The following TTLL11 variants were observed in gnomAD, a reference collection of about 807,000 sequenced individuals.
The protein encoded by TTLL11 is tubulin polyglutamylase TTLL11.
In TTLL11, 42 loss-of-function variants were observed where a neutral mutation model predicts 51.7. The ratio of observed to expected loss-of-function variants is 0.81; its 90% CI spans 0.64 to 1.05. TTLL11 has a LOEUF of 1.05. Among genes scored for constraint, TTLL11 ranks in the 50% least tolerant of loss-of-function variants. The pLI is 0.00. For synonymous variants in TTLL11, 381 were observed against 383.5 expected (o/e 0.99, Z 0.08); for missense variants, 799 against 940.4 (o/e 0.85, Z 1.97).
chr9:121,831,075 T>C (rs531418439), intron 8 of TTLL11, among the ~76,000 whole-genome samples: 1 of 152,262 alleles, frequency 6.6e-6, no homozygotes, highest in East Asian at 1.9e-4. Flanking sequence ...CATCTGAGGT[T>C]TGCCCATGGT....
chr9:122,043,508 C>G (rs1359965386), intron 1 of TTLL11, among the ~76,000 whole-genome samples: 3 of 151,906 alleles, frequency 2.0e-5, no homozygotes, highest in Admixed American at 1.3e-4. Context: ...GATCAAAGGC[C>G]TAATCATATG....
chr9:121,969,805 A>G (rs1410684162), intron 6 of TTLL11, among the ~76,000 whole-genome samples: 1 of 152,224 alleles, frequency 6.6e-6, no homozygotes, highest in Non-Finnish European at 1.5e-5. Flanking sequence ...ATAGTCTCAG[A>G]TTTGGACACA....
intron 8 of TTLL11, among the ~76,000 whole-genome samples, chr9:121,829,695 T>C (rs1185667468): frequency 8.6e-5 from 13 of 152,038 alleles, no homozygotes; most frequent in African/African-American, 2.9e-4. Flanking sequence ...GCTAGACTTA[T>C]AGGGTATTTT....
At chr9:121,826,201 TATATATATATATATATGCACAC>T (rs1283634705) in intron 8 of TTLL11, among the ~76,000 whole-genome samples, 1 of 112,002 alleles carries the variant, frequency 8.9e-6, no homozygotes, top group Non-Finnish European at 1.8e-5. Flanking sequence ...TATATATATA[TATATATATATATATATGCACAC>T]ATATATATAT....
intron 6 of TTLL11, among the ~76,000 whole-genome samples, chr9:121,944,506 CA>C (rs34480595): frequency 2.7e-5 from 4 of 149,354 alleles, no homozygotes; most frequent in South Asian, 2.1e-4. Context: ...GACTCCATCT[CA>C]AAAAAAAAGG....
At chr9:121,823,001 T>A in intron 8 of TTLL11, 122 bp from the exon 9 acceptor site, 1 of 1,154,878 alleles carries the variant, frequency 8.7e-7, no homozygotes, top group Non-Finnish European at 1.2e-6. Context: ...ACCGTCTCCA[T>A]TCCAGAAACT....
intron 8 of TTLL11, among the ~76,000 whole-genome samples, chr9:121,854,257 T>G (rs78653325): frequency 0.029 from 4,370 of 152,200 alleles, 106 homozygotes; most frequent in African/African-American, 0.063. Context: ...GAGGCAGGCA[T>G]GTAGCTCATC....
At chr9:121,861,156 C>T (rs1435028252) in intron 7 of TTLL11, among the ~76,000 whole-genome samples, 2 of 150,086 alleles carry the variant, frequency 1.3e-5, no homozygotes. Context: ...ATTGTAATCT[C>T]GGCTCACTGC....
intron 6 of TTLL11, among the ~76,000 whole-genome samples, chr9:121,879,044 A>G (rs938996132): frequency 7.2e-5 from 11 of 152,194 alleles, no homozygotes; most frequent in Admixed American, 5.2e-4. Context: ...CCTCTAATAT[A>G]AAATGGGAAT....
intron 6 of TTLL11, among the ~76,000 whole-genome samples, chr9:121,944,994 TA>T (rs1181608228): frequency 2.6e-5 from 4 of 152,206 alleles, no homozygotes; most frequent in Non-Finnish European, 5.9e-5. Flanking sequence ...TTTTCAGGGT[TA>T]AAAAAATACC....
At position 122,002,944 on chromosome 9, in the gene TTLL11, C is replaced by CAAAAAAAAAAAAAAAAAAAAAAAAAAAA. The variant is rs547408355; in HGVS notation, c.694-13175_694-13174insTTTTTTTTTTTTTTTTTTTTTTTTTTTT. Among the ~76,000 whole-genome samples the CAAAAAAAAAAAAAAAAAAAAAAAAAAAA allele has an allele frequency of 9.8e-5, 6 of 61,238 alleles. 1 individual carries two copies. The highest frequency in any genetic ancestry group is 4.2e-4 in the African/African-American group (5 of 11,898). 40.2% of individuals were successfully genotyped at this position (61,238 alleles called of 152,430 possible). On this transcript the variant is annotated intron_variant, in intron 3 of 8. Coordinates refer to ENST00000321582, the MANE Select transcript of TTLL11 (RefSeq NM_001139442.2). ...CTGGCAACAGAGTGAGACTCTGTCT[C>CAAAAAAAAAAAAAAAAAAAAAAAAAAAA]AAAAAAAAAAAAAAAAAAAAGAGAT... is the stretch of plus-strand genomic sequence containing the variant.
chr9:122,062,697 G>A (rs1845468831), intron 1 of TTLL11, among the ~76,000 whole-genome samples: 1 of 151,444 alleles, frequency 6.6e-6, no homozygotes, highest in East Asian at 2.0e-4. Flanking sequence ...TCAAACTCCT[G>A]ACCACAGGTG....
At chr9:122,055,859 A>C (rs1179547672) in intron 1 of TTLL11, among the ~76,000 whole-genome samples, 2 of 152,204 alleles carry the variant, frequency 1.3e-5, no homozygotes, top group Admixed American at 1.3e-4. Flanking sequence ...AAGTTACCAA[A>C]AGACTGGGAG....
intron 6 of TTLL11, among the ~76,000 whole-genome samples, chr9:121,903,053 G>C (rs1369518649): frequency 6.6e-6 from 1 of 152,070 alleles, no homozygotes; most frequent in Non-Finnish European, 1.5e-5. Flanking sequence ...CAGAAGTTCA[G>C]ACACATTCTC....
rs1161439749 is a variant in TTLL11 at position 121,895,447 on chromosome 9, TTG to T, written c.1482-24701_1482-24700del. On this transcript the variant is annotated intron_variant, in intron 6 of 8. Transcript: ENST00000321582. ...GCGCTGCGTGTGTGTCTGTGCACGT[TTG>T]TGTGGTTGTGTAAATGTGTGGTTGT... Among the ~76,000 whole-genome samples the T allele has an allele frequency of 2.0e-5, 3 of 151,142 alleles. No individual in the cohort carries two copies. The South Asian group carries it at 6.3e-4, about 32-fold the overall frequency.
intron 6 of TTLL11, among the ~76,000 whole-genome samples, chr9:121,960,514 C>T (rs1842187268): frequency 6.6e-6 from 1 of 152,128 alleles, no homozygotes; most frequent in South Asian, 2.1e-4. Context: ...CTTCCTGACC[C>T]ACATCTCCTC....
At chr9:121,878,251 C>T (rs1245962516) in intron 6 of TTLL11, among the ~76,000 whole-genome samples, 3 of 152,164 alleles carry the variant, frequency 2.0e-5, no homozygotes, top group Admixed American at 6.5e-5. Flanking sequence ...GGACTCAAAA[C>T]AGGCTTTCCA....
chr9:121,993,602 T>C (rs1720075533), intron 3 of TTLL11, among the ~76,000 whole-genome samples: 2 of 152,218 alleles, frequency 1.3e-5, no homozygotes. Flanking sequence ...ATTCATCACG[T>C]CGGAGAGTTC....
chr9:121,935,886 C>T (rs993683096), intron 6 of TTLL11, among the ~76,000 whole-genome samples: 14 of 152,286 alleles, frequency 9.2e-5, no homozygotes, highest in Non-Finnish European at 1.8e-4. Context: ...GCTCGGTGAA[C>T]GCCAGCTGCC....
Sources: gnomAD v4.1 joint callset for allele counts (sites outside exome capture counted in the v4.1 genomes callset) on GRCh38, gnomAD v4.1.1 for gene constraint, MANE v1.5 for transcripts, NCBI Gene and HGNC (gene_info 2026-07-23, HGNC 2026-07-21) for gene names.